PIK3R1: variants seen among roughly 807,000 people sequenced by gnomAD.
PIK3R1 encodes the protein phosphoinositide-3-kinase regulatory subunit 1.
A neutral mutation model predicts 98.0 loss-of-function variants in PIK3R1; 29 were observed. That is an observed-to-expected ratio of 0.30 (90% confidence interval 0.22 to 0.40). PIK3R1 has a LOEUF of 0.40. Among genes scored for constraint, PIK3R1 ranks in the 10% least tolerant of loss-of-function variants. The probability of loss-of-function intolerance (pLI) is 1.00; values close to 1 mark genes in which losing one functional copy is unlikely to be tolerated. For synonymous variants in PIK3R1, 282 were observed against 311.8 expected (o/e 0.90, Z 1.01); for missense variants, 596 against 872.7 (o/e 0.68, Z 3.99).
At chr5:68,232,151 GC>G (rs1312263338) in intron 2 of PIK3R1, among the ~76,000 whole-genome samples, 1 of 152,168 alleles carries the variant, frequency 6.6e-6, no homozygotes, top group Non-Finnish European at 1.5e-5. Flanking sequence ...AATCAGATTA[GC>G]CTAACCACTT....
At chr5:68,292,776 A>G in intron 8 of PIK3R1, 1 of 1,258,298 alleles carries the variant, frequency 7.9e-7, no homozygotes, top group Non-Finnish European at 1.0e-6. Flanking sequence ...CTCATTTGTC[A>G]GAGAGATTGT....
rs141273958 is a variant in PIK3R1, at chr5:68,266,104, T to G, written c.335-7286T>G. On this transcript the variant is annotated intron_variant, in intron 2 of 15. Coordinates refer to ENST00000521381, the MANE Select transcript of PIK3R1 (RefSeq NM_181523.3). ...GAGGTCCCAGCCTGGATCCAAAGCT[T>G]CTTTCTGGTCTCTAGTCTGCCAGTA... is the stretch of plus-strand genomic sequence containing the variant. Among the ~76,000 whole-genome samples the G allele has an allele frequency of 1.4e-4, 22 of 152,298 alleles. 1 individual carries two copies. The highest frequency in any genetic ancestry group is 4.8e-4 in the African/African-American group (20 of 41,562).
chr5:68,246,905 G>GA (rs11291585), intron 2 of PIK3R1, among the ~76,000 whole-genome samples: 4 of 151,572 alleles, frequency 2.6e-5, no homozygotes, highest in Admixed American at 6.6e-5. Context: ...ATTAGTAAGA[G>GA]AAAAAAAAAA....
intron 14 of PIK3R1, chr5:68,295,754 A>AATATTTTTG (rs1429196601): frequency 1.8e-5 from 9 of 510,734 alleles, no homozygotes; most frequent in Non-Finnish European, 3.1e-5. Context: ...AAAATCCCAA[A>AATATTTTTG]ATATTTTTGG....
intron 2 of PIK3R1, among the ~76,000 whole-genome samples, chr5:68,251,343 T>C (rs1745298723): frequency 6.6e-6 from 1 of 152,128 alleles, no homozygotes; most frequent in Admixed American, 6.5e-5. Flanking sequence ...AGGCTGCCAG[T>C]TCAGAAGATG....
chr5:68,222,796 C>T (rs927725940), intron 1 of PIK3R1, among the ~76,000 whole-genome samples: 4 of 152,062 alleles, frequency 2.6e-5, no homozygotes, highest in Admixed American at 6.5e-5. Context: ...GTGCAGGCCA[C>T]GAACCTGCAT....
At chr5:68,292,810 AC>A in intron 8 of PIK3R1, 1 of 1,107,778 alleles carries the variant, frequency 9.0e-7, no homozygotes, top group Non-Finnish European at 1.2e-6. Context: ...AAAAATAAAA[AC>A]TTAGTACCAC....
intron 1 of PIK3R1, chr5:68,217,555 G>T (rs1743932736): frequency 6.6e-6 from 1 of 151,974 alleles, no homozygotes; most frequent in East Asian, 1.9e-4. Context: ...AGTTTTCTTA[G>T]GTGCAAAAGT....
At chr5:68,262,206 C>G (rs1297914959) in intron 2 of PIK3R1, among the ~76,000 whole-genome samples, 1 of 151,618 alleles carries the variant, frequency 6.6e-6, no homozygotes, top group Non-Finnish European at 1.5e-5. Context: ...CTGAGGGAAG[C>G]TTTTAGTTTG....
intron 2 of PIK3R1, among the ~76,000 whole-genome samples, chr5:68,251,575 T>G (rs1745308953): frequency 6.6e-6 from 1 of 150,908 alleles, no homozygotes. Flanking sequence ...CTGTAGGTGG[T>G]GGGGGCGGGG....
rs545993782 is a variant in PIK3R1 at position 68,300,077 on chromosome 5, T to C, written c.*2476T>C. On this transcript the variant is annotated 3_prime_UTR_variant, in exon 16 of 16. Coordinates refer to ENST00000521381, the MANE Select transcript of PIK3R1 (RefSeq NM_181523.3). ...ATTTCTAAAATATAAGATCTGAGAT[T>C]GAATATTTTCATTAAAAGCTACAGT... is the stretch of plus-strand genomic sequence containing the variant. 4.3e-6 allele frequency: 1 copy of C among 233,142 alleles called. No individual in the cohort carries two copies. Among genetic ancestry groups the C allele is most frequent in the Non-Finnish European group, 8.5e-6 (1 of 118,038 alleles). The allele number at this position is 233,142 out of a possible 1,614,324, so 14.4% of individuals were successfully genotyped here. A position where few individuals can be genotyped will look rare whatever the true frequency, so the allele number is the denominator to read the frequency against.
At chr5:68,288,057 T>G (rs1747151482) in intron 7 of PIK3R1, among the ~76,000 whole-genome samples, 1 of 152,102 alleles carries the variant, frequency 6.6e-6, no homozygotes, top group African/African-American at 2.4e-5. Flanking sequence ...GTTCAGGCCT[T>G]TACAAGTGAG....
At position 68,281,000 on chromosome 5, in the gene PIK3R1, G is replaced by C. The variant is rs750199007; in HGVS notation, c.910G>C (p.Ala304Pro). 5 of 1,595,438 alleles carry C rather than the reference G, an allele frequency of 3.1e-6. No homozygotes were observed. The highest frequency in any genetic ancestry group is 4.3e-6 in the Non-Finnish European group (5 of 1,170,270). ...AACTGAATGGAATGAACGACAGCCT[G>C]CACCAGGTAATGCTTTTTGAGCATT... is the stretch of plus-strand genomic sequence containing the variant. ...ISTEWNERQPAPALPPKPPKP... is the reference protein window; with the variant it reads ...ISTEWNERQPPPALPPKPPKP... The change falls in exon 7 of 16, where the codon GCA becomes CCA. Residue 304 changes from alanine to proline, a missense_variant. Around this residue, in one of 3 missense-constraint regions of PIK3R1, gnomAD observed 352 missense variants for 393.3 expected, o/e 0.90. Coordinates refer to ENST00000521381, the MANE Select transcript of PIK3R1 (RefSeq NM_181523.3).
At chr5:68,228,270 ACAGAATG>A (rs918581594) in intron 2 of PIK3R1, among the ~76,000 whole-genome samples, 1 of 152,226 alleles carries the variant, frequency 6.6e-6, no homozygotes, top group African/African-American at 2.4e-5. Context: ...GAACAGAGAA[ACAGAATG>A]CAAGGGTAAG....
At chr5:68,269,850 G>A (rs561564601) in intron 2 of PIK3R1, among the ~76,000 whole-genome samples, 2 of 150,604 alleles carry the variant, frequency 1.3e-5, no homozygotes, top group Non-Finnish European at 2.9e-5. Flanking sequence ...CAGACATTTT[G>A]TACTAAGGAA....
chr5:68,288,771 T>G, intron 7 of PIK3R1: 1 of 1,610,712 alleles, frequency 6.2e-7, no homozygotes, highest in Middle Eastern at 1.7e-4. Context: ...CTTGAATTTG[T>G]GCACTTCTCT....
rs1323691833 is a variant in PIK3R1 at position 68,293,709 on chromosome 5, G to T, written c.1300G>T (p.Asp434Tyr). 6 of 1,438,682 alleles carry T rather than the reference G, an allele frequency of 4.2e-6. No individual in the cohort carries two copies. Among genetic ancestry groups the T allele is most frequent in the Non-Finnish European group, 5.8e-6 (6 of 1,041,630 alleles). 89.1% of individuals were successfully genotyped at this position (1,438,682 alleles called of 1,614,324 possible). Reference sequence around the variant, plus strand: ...ATTGAATTTATTTTAATCTTTCTAGGATCAAGTTGTCAAAGAAGATAATAT... The same window carrying T: ...ATTGAATTTATTTTAATCTTTCTAGTATCAAGTTGTCAAAGAAGATAATAT... ...LLYPVSKYQQ[D>Y]QVVKEDNIEA... is the part of the protein sequence containing the mutation. Residue 434 changes from aspartate to tyrosine, a missense_variant and splice_region_variant, in exon 11 of 16, where the codon GAT becomes TAT. Asp to Tyr is a radical substitution (Grantham distance 160, BLOSUM62 -3). Around this residue, in one of 3 missense-constraint regions of PIK3R1, gnomAD observed 207 missense variants for 361.4 expected, o/e 0.57. Coordinates refer to ENST00000521381, the MANE Select transcript of PIK3R1 (RefSeq NM_181523.3).
chr5:68,286,611 A>C (rs913044732), intron 7 of PIK3R1, among the ~76,000 whole-genome samples: 3 of 152,224 alleles, frequency 2.0e-5, no homozygotes. Flanking sequence ...CTAATATAAT[A>C]GGACCTCTTT....
chr5:68,276,904 G>T (rs1336438073), intron 4 of PIK3R1, among the ~76,000 whole-genome samples: 1 of 152,144 alleles, frequency 6.6e-6, no homozygotes, highest in Non-Finnish European at 1.5e-5. Context: ...TGCCAGAAGA[G>T]CAGGTGACAG....
Sources: gnomAD v4.1 joint callset for allele counts (sites outside exome capture counted in the v4.1 genomes callset) on GRCh38, gnomAD v4.1.1 for gene constraint, gnomAD v4.1.1 regional missense constraint, MANE v1.5 for transcripts, NCBI Gene and HGNC (gene_info 2026-07-23, HGNC 2026-07-21) for gene names.